CTBP2: variants seen among roughly 807,000 people sequenced by gnomAD.
The protein encoded by CTBP2 is C-terminal-binding protein 2.
Under a neutral mutation model 80.3 loss-of-function variants are expected in CTBP2, and 30 were observed. That is an observed-to-expected ratio of 0.37 (90% CI 0.28 to 0.51). CTBP2 has a LOEUF of 0.51. Among genes scored for constraint, CTBP2 ranks in the 20% least tolerant of loss-of-function variants. The pLI, the probability that CTBP2 is intolerant of heterozygous loss-of-function variation, is 0.93. For missense variants in CTBP2, 1,212 were observed against 1,375.3 expected (o/e 0.88, Z 1.88); for synonymous variants, 594 against 587.4 (o/e 1.01, Z -0.16).
In CTBP2 at chr10:124,993,132, C is replaced by T. The variant is rs1437230671; in HGVS notation, c.2659+70G>A. 2.0e-6 allele frequency: 3 copies of T among 1,529,402 alleles called. No individual in the cohort carries two copies. In the African/African-American group the frequency reaches 4.2e-5, roughly 21 times the overall value. The allele number at this position is 1,529,402 out of a possible 1,614,324, so 94.7% of individuals were successfully genotyped here. On this transcript the variant is annotated intron_variant, in intron 7 of 8. Coordinates refer to ENST00000309035, the MANE Select transcript of CTBP2 (RefSeq NM_022802.3). ...CCTGTCGAGAGCTGCCTGTAGCCAG[C>T]AGGACAGGAGCCGGCTGCACTGTGG...
At chr10:125,148,132 G>A (rs1859135074) in intron 1 of CTBP2, among the ~76,000 whole-genome samples, 1 of 152,136 alleles carries the variant, frequency 6.6e-6, no homozygotes, top group South Asian at 2.1e-4. Flanking sequence ...CTCTAGGAGG[G>A]CAGGACCATC....
At chr10:125,019,115 G>A (rs191123803) in intron 1 of CTBP2, among the ~76,000 whole-genome samples, 3 of 152,318 alleles carry the variant, frequency 2.0e-5, no homozygotes, top group African/African-American at 7.2e-5. Context: ...TGTTCCTTCA[G>A]CAGTTCCTCC....
In CTBP2 at chr10:125,027,099, G is replaced by A. The variant is rs773895898; in HGVS notation, c.661C>T (p.Pro221Ser). 3 of 1,609,796 alleles carry A rather than the reference G, an allele frequency of 1.9e-6. No homozygotes were observed. Among genetic ancestry groups the A allele is most frequent in the Non-Finnish European group, 2.5e-6 (3 of 1,177,260 alleles). ...GGGGCCACCTGTCTGGCAGGGGCAG[G>A]GTCAATGGGTCTTTCGCTGATGTCG... Residue 221 changes from proline (P) to serine (S), a missense_variant, in exon 1 of 9, where the codon CCT (proline) becomes TCT (serine). Physicochemically the swap from Pro to Ser is moderately conservative, Grantham distance 74. Coordinates refer to ENST00000309035, the MANE Select transcript of CTBP2 (RefSeq NM_022802.3).
At chr10:125,157,378 T>C (rs137975068) in intron 1 of CTBP2, among the ~76,000 whole-genome samples, 1,149 of 111,170 alleles carry the variant, frequency 0.01, 18 homozygotes, top group African/African-American at 0.037. Flanking sequence ...AGAGAGGGGG[T>C]TGTCAGGTGG....
intron 2 of CTBP2, among the ~76,000 whole-genome samples, chr10:125,040,645 G>T (rs1398953755): frequency 6.8e-6 from 1 of 147,286 alleles, no homozygotes; most frequent in Non-Finnish European, 1.5e-5. Flanking sequence ...GGTTCTCAGT[G>T]ATCTAGCAGA....
At chr10:125,140,047 C>T (rs1467159361) in intron 1 of CTBP2, among the ~76,000 whole-genome samples, 1 of 152,098 alleles carries the variant, frequency 6.6e-6, no homozygotes, top group African/African-American at 2.4e-5. Context: ...GGGTGTCCAC[C>T]CACCTTTCAG....
chr10:125,017,781 A>G (rs1390816677), intron 1 of CTBP2, among the ~76,000 whole-genome samples: 1 of 152,212 alleles, frequency 6.6e-6, no homozygotes, highest in Admixed American at 6.5e-5. Context: ...AGCCAGGCAA[A>G]CACCAGCAGG....
chr10:125,029,071 T>A (rs573373860), upstream of CTBP2, among the ~76,000 whole-genome samples: 1 of 152,304 alleles, frequency 6.6e-6, no homozygotes, highest in Admixed American at 6.5e-5. Context: ...AGCCGGTGAT[T>A]AGGAAGCTAC....
At chr10:124,997,713 G>C (rs1227715180) in intron 4 of CTBP2, 3 of 554,180 alleles carry the variant, frequency 5.4e-6, no homozygotes, top group East Asian at 3.0e-5. Flanking sequence ...AGCAAAGAAT[G>C]CTGTCCTGCC....
At chr10:125,128,973 G>T (rs949135420) in intron 1 of CTBP2, among the ~76,000 whole-genome samples, 2 of 152,082 alleles carry the variant, frequency 1.3e-5, no homozygotes, top group African/African-American at 4.8e-5. Flanking sequence ...GAAGTAAAAA[G>T]GAACAAGAGA....
At chr10:125,122,457 A>G (rs974457769) in intron 1 of CTBP2, among the ~76,000 whole-genome samples, 1 of 152,244 alleles carries the variant, frequency 6.6e-6, no homozygotes, top group Non-Finnish European at 1.5e-5. Context: ...CATAGGTGCA[A>G]CAGGCCTTCC....
In CTBP2 at chr10:125,095,818, C is replaced by T. The variant is rs182290464; in HGVS notation, c.-102+15172G>A. Among the ~76,000 whole-genome samples the T allele has an allele frequency of 1.8e-3, 270 of 152,290 alleles. 2 individuals carry two copies. The highest frequency in any genetic ancestry group is 6.3e-3 in the African/African-American group (260 of 41,560). Reference sequence around the variant, plus strand: ...GAAGTAGTAGGTTTCTCACTGTTTACAAAAGCTCTGTGGTGACTCCAGGTT... The same window carrying T: ...GAAGTAGTAGGTTTCTCACTGTTTATAAAAGCTCTGTGGTGACTCCAGGTT... On this transcript the variant is annotated intron_variant, in intron 2 of 10. Coordinates refer to the CTBP2 transcript ENST00000337195.
At chr10:125,125,359 A>G (rs1383375095) in intron 1 of CTBP2, among the ~76,000 whole-genome samples, 1 of 144,960 alleles carries the variant, frequency 6.9e-6, no homozygotes, top group South Asian at 2.2e-4. Context: ...GCTCAGAGAG[A>G]CAGATATAAG....
chr10:125,109,830 A>G (rs966804424), intron 2 of CTBP2, among the ~76,000 whole-genome samples: 5 of 152,248 alleles, frequency 3.3e-5, no homozygotes, highest in African/African-American at 1.2e-4. Flanking sequence ...AAGGCTTCCG[A>G]GTGCCAGCAG....
chr10:124,991,134 C>T (rs1952553094), intron 8 of CTBP2, among the ~76,000 whole-genome samples: 3 of 152,250 alleles, frequency 2.0e-5, no homozygotes, highest in Non-Finnish European at 4.4e-5. Context: ...TGTGTGAGGA[C>T]ACACTGCATT....
chr10:125,004,507 C>A (rs1211003884), intron 1 of CTBP2, among the ~76,000 whole-genome samples: 1 of 152,222 alleles, frequency 6.6e-6, no homozygotes, highest in Non-Finnish European at 1.5e-5. Flanking sequence ...TCCTGACCAT[C>A]TGCCCAAACC....
chr10:125,053,379 GAC>G (rs894130168), intron 2 of CTBP2, among the ~76,000 whole-genome samples: 33 of 152,204 alleles, frequency 2.2e-4, no homozygotes, highest in Admixed American at 1.2e-3. Flanking sequence ...AGAGCAAGAG[GAC>G]ACAGTGAAAG....
At chr10:125,113,751 T>C (rs7899408) in intron 1 of CTBP2, among the ~76,000 whole-genome samples, 14,684 of 152,232 alleles carry the variant, frequency 0.096, 906 homozygotes, top group African/African-American at 0.16. Flanking sequence ...TAATTTGAGA[T>C]ATTTCATAGT....
At chr10:125,134,641 C>T (rs1856678540) in intron 1 of CTBP2, among the ~76,000 whole-genome samples, 1 of 152,170 alleles carries the variant, frequency 6.6e-6, no homozygotes, top group African/African-American at 2.4e-5. Flanking sequence ...TCTGCCCCCG[C>T]ACCACAGCAG....
Sources: gnomAD v4.1 joint callset for allele counts (sites outside exome capture counted in the v4.1 genomes callset) on GRCh38, gnomAD v4.1.1 for gene constraint, MANE v1.5 for transcripts, NCBI Gene and HGNC (gene_info 2026-07-23, HGNC 2026-07-21) for gene names.